Variants in JAKMIP2 observed in about 807,000 individuals in gnomAD.
The protein encoded by JAKMIP2 is janus kinase and microtubule-interacting protein 2.
Under a neutral mutation model 115.0 loss-of-function variants are expected in JAKMIP2, and 25 were observed. That is an observed-to-expected ratio of 0.22 (90% confidence interval 0.16 to 0.30). JAKMIP2 has a LOEUF of 0.30. Among genes scored for constraint, JAKMIP2 ranks in the 10% least tolerant of loss-of-function variants. JAKMIP2 has a pLI of 1.00. For missense variants in JAKMIP2, 642 were observed against 957.6 expected, an observed-to-expected ratio of 0.67 and a Z score of 4.35; for synonymous variants, 334 against 343.6, an observed-to-expected ratio of 0.97 and a Z score of 0.31.
chr5:147,614,547 G>A (rs1354046622), intron 19 of JAKMIP2, among the ~76,000 whole-genome samples: 2 of 152,158 alleles, frequency 1.3e-5, no homozygotes, highest in Non-Finnish European at 2.9e-5. Context: ...TGTCAGGGCT[G>A]GTGTGGCAGC....
rs1213562639 is a variant in JAKMIP2 at position 147,675,074 on chromosome 5, T to G, written c.-148-3120A>C. ...CATTGTAAATAATGACTATGAGTTCTACAGAATTGCTTGTAGCAAAAATGT... is the reference window on the plus strand; with the variant it reads ...CATTGTAAATAATGACTATGAGTTCGACAGAATTGCTTGTAGCAAAAATGT... On this transcript the variant is annotated intron_variant, in intron 1 of 21. Coordinates refer to ENST00000616793, the MANE Select transcript of JAKMIP2 (RefSeq NM_001270941.2). Among the ~76,000 whole-genome samples, 4 of 152,254 alleles carry G rather than the reference T, an allele frequency of 2.6e-5. No individual in the cohort carries two copies. In the East Asian group the frequency reaches 7.7e-4, roughly 29 times the overall value.
At chr5:147,713,872 A>T (rs1268662544) in intron 1 of JAKMIP2, among the ~76,000 whole-genome samples, 1 of 152,192 alleles carries the variant, frequency 6.6e-6, no homozygotes, top group African/African-American at 2.4e-5. Context: ...CTAACGGCAA[A>T]GGCAAAGCAA....
chr5:147,719,594 A>G (rs1753173533), intron 1 of JAKMIP2, among the ~76,000 whole-genome samples: 1 of 152,088 alleles, frequency 6.6e-6, no homozygotes, highest in Non-Finnish European at 1.5e-5. Context: ...TCCCTTTACC[A>G]TTATGTAATG....
chr5:147,633,123 C>T (rs1378891747), intron 12 of JAKMIP2, among the ~76,000 whole-genome samples: 3 of 152,168 alleles, frequency 2.0e-5, no homozygotes, highest in Non-Finnish European at 4.4e-5. Flanking sequence ...ATAAGAGGGA[C>T]TGATACTTCT....
chr5:147,659,358 C>T (rs1262576671), intron 3 of JAKMIP2, among the ~76,000 whole-genome samples: 1 of 152,144 alleles, frequency 6.6e-6, no homozygotes, highest in Non-Finnish European at 1.5e-5. Flanking sequence ...CTCTGTGGGT[C>T]ACACCCACTG....
chr5:147,609,002 C>CATT (rs1554124548), intron 20 of JAKMIP2, among the ~76,000 whole-genome samples: 1 of 148,726 alleles, frequency 6.7e-6, no homozygotes, highest in Non-Finnish European at 1.5e-5. Flanking sequence ...GCAACCCCAG[C>CATT]TTTTTTTTTG....
intron 1 of JAKMIP2, among the ~76,000 whole-genome samples, chr5:147,753,600 T>C (rs1754638393): frequency 6.6e-6 from 1 of 152,238 alleles, no homozygotes; most frequent in Non-Finnish European, 1.5e-5. Context: ...TTGATAAATA[T>C]GAAGTTTCTC....
At chr5:147,624,472 A>G (rs895158987) in intron 16 of JAKMIP2, among the ~76,000 whole-genome samples, 2 of 152,160 alleles carry the variant, frequency 1.3e-5, no homozygotes, top group East Asian at 3.9e-4. Context: ...TACACTGGAG[A>G]ATTGGGACAA....
intron 1 of JAKMIP2, among the ~76,000 whole-genome samples, chr5:147,679,372 C>T (rs778626628): frequency 6.6e-6 from 1 of 152,130 alleles, no homozygotes; most frequent in Non-Finnish European, 1.5e-5. Flanking sequence ...AATATGGCCA[C>T]TATTTACTGA....
intron 4 of JAKMIP2, among the ~76,000 whole-genome samples, chr5:147,648,900 G>A (rs1158381919): frequency 6.6e-6 from 1 of 152,158 alleles, no homozygotes; most frequent in Non-Finnish European, 1.5e-5. Context: ...GCCACAGAGG[G>A]GAGAGAGTAG....
At chr5:147,760,474 G>A (rs1267685597) in intron 1 of JAKMIP2, among the ~76,000 whole-genome samples, 1 of 151,374 alleles carries the variant, frequency 6.6e-6, no homozygotes, top group African/African-American at 2.4e-5. Context: ...AATAAGAAAA[G>A]TGTGGTCAAC....
intron 3 of JAKMIP2, among the ~76,000 whole-genome samples, chr5:147,657,812 T>C (rs1446581125): frequency 6.6e-6 from 1 of 151,974 alleles, no homozygotes; most frequent in African/African-American, 2.4e-5. Flanking sequence ...GATACTTGTG[T>C]ATGCTTCACG....
chr5:147,736,878 C>T (rs1166694446), intron 1 of JAKMIP2, among the ~76,000 whole-genome samples: 1 of 152,072 alleles, frequency 6.6e-6, no homozygotes, highest in Admixed American at 6.5e-5. Flanking sequence ...CTACAATAGA[C>T]ATTGTGCCTG....
At chr5:147,674,519 C>T (rs537115082) in intron 1 of JAKMIP2, among the ~76,000 whole-genome samples, 121 of 152,172 alleles carry the variant, frequency 8.0e-4, no homozygotes, top group African/African-American at 2.6e-3. Flanking sequence ...AGAAGAGAGA[C>T]GAGGTGAGAT....
chr5:147,620,469 A>C (rs1167892563), intron 18 of JAKMIP2, among the ~76,000 whole-genome samples, 197 bp downstream of exon 18: 1 of 152,192 alleles, frequency 6.6e-6, no homozygotes, highest in African/African-American at 2.4e-5. Context: ...TATTATAAGA[A>C]TATCTTATAA....
rs1755034439 is a variant in JAKMIP2 at position 147,589,956 on chromosome 5, T to C, written c.*1751A>G. Reference sequence around the variant, plus strand: ...ACTTTAAGCACCTCTTGTTCTAAAATTGCAAATAAAACTTTATGAAAAAGC... The same window carrying C: ...ACTTTAAGCACCTCTTGTTCTAAAACTGCAAATAAAACTTTATGAAAAAGC... On this transcript the variant is annotated 3_prime_UTR_variant, in exon 22 of 22. Transcript: ENST00000616793. The C allele has an allele frequency of 6.6e-6, 1 of 152,210 alleles. No homozygotes were observed. The highest frequency in any genetic ancestry group is 1.5e-5 in the Non-Finnish European group (1 of 68,032). The allele number at this position is 152,210 out of a possible 1,614,324, so 9.4% of individuals were successfully genotyped here.
intron 1 of JAKMIP2, among the ~76,000 whole-genome samples, chr5:147,709,923 G>T (rs985646283): frequency 6.6e-6 from 1 of 152,042 alleles, no homozygotes. Context: ...TTTCTTTAAG[G>T]TGCCATTGTC....
In JAKMIP2 at chr5:147,620,994, G is replaced by T. The variant is rs561272100; in HGVS notation, c.2065-251C>A. Among the ~76,000 whole-genome samples the T allele has an allele frequency of 7.2e-5, 11 of 152,288 alleles. No individual in the cohort carries two copies. In the East Asian group the frequency reaches 2.1e-3, roughly 29 times the overall value. On this transcript the variant is annotated intron_variant, in intron 17 of 21. Coordinates refer to ENST00000616793, the MANE Select transcript of JAKMIP2 (RefSeq NM_001270941.2). ...GAATGCTCTAAAAGATTTTTAATCT[G>T]AGAGCACGTGATTAAGTATAGATTT...
intron 1 of JAKMIP2, among the ~76,000 whole-genome samples, chr5:147,777,628 T>C (rs1755609248): frequency 6.8e-6 from 1 of 147,100 alleles, no homozygotes; most frequent in East Asian, 1.9e-4. Flanking sequence ...TTTTTAAATA[T>C]AAAAAAAACT....
Sources: allele counts gnomAD v4.1 joint callset (sites outside exome capture counted in the v4.1 genomes callset), GRCh38; gene constraint gnomAD v4.1.1; transcripts MANE v1.5; gene names NCBI Gene and HGNC (gene_info 2026-07-23, HGNC 2026-07-21).